The following FGF2 variants were observed in gnomAD, a reference collection of about 807,000 sequenced individuals.
FGF2 encodes the protein basic fibroblast growth factor bFGF.
FGF2 carries 13 observed loss-of-function variants against 15.9 expected under a neutral mutation model. The ratio of observed to expected loss-of-function variants is 0.82; its 90% CI spans 0.53 to 1.30. FGF2 has a LOEUF of 1.30. Ranked by LOEUF, FGF2 falls within the 50% of genes most tolerant of loss-of-function variation. The probability of loss-of-function intolerance (pLI) is 0.00; values close to 1 mark genes in which losing one functional copy is unlikely to be tolerated. For missense variants in FGF2, 163 were observed against 196.9 expected, an observed-to-expected ratio of 0.83 and a Z score of 1.03; for synonymous variants, 90 against 78.4, an observed-to-expected ratio of 1.15 and a Z score of -0.78.
intron 2 of FGF2, among the ~76,000 whole-genome samples, chr4:122,887,333 C>T (rs1358143905): frequency 6.6e-6 from 1 of 152,020 alleles, no homozygotes; most frequent in Non-Finnish European, 1.5e-5. Context: ...CAAAACAAAA[C>T]AAAAACATCT....
chr4:122,874,365 T>C lies in FGF2; in HGVS notation c.179-1956T>C, dbSNP rs1726797312. Among the ~76,000 whole-genome samples the C allele has an allele frequency of 2.0e-5, 3 of 152,360 alleles. No homozygotes were observed. In the South Asian group the frequency reaches 6.2e-4, roughly 32 times the overall value. On this transcript the variant is annotated intron_variant, in intron 1 of 2. Transcript: ENST00000644866. ...TTCATTACATTCCTTTTACTTCGTA[T>C]TATCTTTTAAGATTTTGTAGAAGAA... is the stretch of plus-strand genomic sequence containing the variant.
At chr4:122,851,957 G>C (rs1726240435) in intron 1 of FGF2, among the ~76,000 whole-genome samples, 1 of 152,196 alleles carries the variant, frequency 6.6e-6, no homozygotes, top group Non-Finnish European at 1.5e-5. Context: ...TGTTGGTATT[G>C]TTGTGATGAT....
chr4:122,834,114 A>G (rs1182905043), intron 1 of FGF2, among the ~76,000 whole-genome samples: 1 of 152,198 alleles, frequency 6.6e-6, no homozygotes, highest in Admixed American at 6.5e-5. Context: ...AACACAGCAA[A>G]GCAATAGGGG....
intron 2 of FGF2, 100 bp downstream of exon 2, chr4:122,876,524 G>T: frequency 1.3e-6 from 1 of 787,980 alleles, no homozygotes. Flanking sequence ...GATTTTACGT[G>T]TATCATCGTC....
chr4:122,828,565 G>T (rs1036349503), intron 1 of FGF2, among the ~76,000 whole-genome samples: 1 of 152,154 alleles, frequency 6.6e-6, no homozygotes, highest in African/African-American at 2.4e-5. Context: ...ATGCTAATGG[G>T]ATGTCATGAG....
chr4:122,872,715 A>G (rs1486738285), intron 1 of FGF2, among the ~76,000 whole-genome samples: 2 of 152,214 alleles, frequency 1.3e-5, no homozygotes, highest in Non-Finnish European at 2.9e-5. Context: ...ATTGGGGGCC[A>G]ATATTCAACA....
chr4:122,837,483 C>T (rs959927621), intron 1 of FGF2, among the ~76,000 whole-genome samples: 4 of 152,154 alleles, frequency 2.6e-5, no homozygotes, highest in Admixed American at 2.0e-4. Flanking sequence ...CTACTGCCTG[C>T]TATATATCTT....
chr4:122,885,234 T>C (rs1727033397), intron 2 of FGF2, among the ~76,000 whole-genome samples: 1 of 152,256 alleles, frequency 6.6e-6, no homozygotes, highest in South Asian at 2.1e-4. Context: ...ATTTTTATTG[T>C]AAGCTATCTG....
intron 1 of FGF2, among the ~76,000 whole-genome samples, chr4:122,859,624 G>T (rs958616110): frequency 7.0e-6 from 1 of 142,234 alleles, no homozygotes; most frequent in Admixed American, 7.3e-5. Context: ...TATACTAAAA[G>T]TTTATATATG....
At chr4:122,850,461 C>T (rs796147744) in intron 1 of FGF2, among the ~76,000 whole-genome samples, 17 of 152,160 alleles carry the variant, frequency 1.1e-4, no homozygotes, top group African/African-American at 4.1e-4. Flanking sequence ...CCAGAAATAA[C>T]ATTGAGCGAT....
At chr4:122,858,505 C>T (rs1236125996) in intron 1 of FGF2, among the ~76,000 whole-genome samples, 3 of 152,040 alleles carry the variant, frequency 2.0e-5, no homozygotes, top group Non-Finnish European at 4.4e-5. Context: ...TCAAGTGATT[C>T]TCCTGCCTCA....
chr4:122,891,260 T>TA (rs1361488589), intron 2 of FGF2, among the ~76,000 whole-genome samples: 1 of 151,832 alleles, frequency 6.6e-6, no homozygotes, highest in Non-Finnish European at 1.5e-5. Context: ...CAAGATGGTC[T>TA]CGATCTCCTG....
intron 2 of FGF2, chr4:122,888,795 C>G (rs977211299): frequency 2.0e-5 from 3 of 151,980 alleles, no homozygotes; most frequent in African/African-American, 7.3e-5. Context: ...TCCCTCTTAC[C>G]CTGTTCAGGT....
At chr4:122,865,614 C>A (rs1171875426) in intron 1 of FGF2, among the ~76,000 whole-genome samples, 1 of 152,092 alleles carries the variant, frequency 6.6e-6, no homozygotes, top group Non-Finnish European at 1.5e-5. Context: ...AAATGCATTG[C>A]CTAATTTCCA....
At chr4:122,873,765 C>G (rs1017626146) in intron 1 of FGF2, among the ~76,000 whole-genome samples, 1 of 152,168 alleles carries the variant, frequency 6.6e-6, no homozygotes, top group African/African-American at 2.4e-5. Context: ...GATTTTGTGA[C>G]TTCCTCAACT....
chr4:122,858,436 C>T (rs2150774781), intron 1 of FGF2, among the ~76,000 whole-genome samples: 1 of 151,834 alleles, frequency 6.6e-6, no homozygotes. Context: ...CTCGATCTGT[C>T]ACCCAGGCTG....
In FGF2 at chr4:122,892,275, G is replaced by A. The variant is rs762535977; in HGVS notation, c.347G>A (p.Arg116Gln). 37 of 1,613,404 alleles carry A rather than the reference G, an allele frequency of 2.3e-5. No individual in the cohort carries two copies. The highest frequency in any genetic ancestry group is 1.3e-4 in the East Asian group (6 of 44,876). ...GAATCTAATAACTACAATACTTACC[G>A]GTCAAGGAAATACACCAGTTGGTAT... is the stretch of plus-strand genomic sequence containing the variant. ...RLESNNYNTY[R>Q]SRKYTSWYVA... The change falls in exon 3 of 3, where the codon CGG (arginine) becomes CAG (glutamine). Residue 116 changes from arginine to glutamine, a missense_variant. Arg to Gln is a conservative substitution (Grantham distance 43). Transcript: ENST00000644866.
intron 2 of FGF2, chr4:122,881,743 T>G (rs908102554): frequency 6.4e-6 from 1 of 157,012 alleles, no homozygotes; most frequent in African/African-American, 2.4e-5. Context: ...TTCCAACCTT[T>G]GCCTGTTAAC....
chr4:122,846,661 T>C (rs1360988175), intron 1 of FGF2, among the ~76,000 whole-genome samples: 1 of 152,204 alleles, frequency 6.6e-6, no homozygotes, highest in Admixed American at 6.5e-5. Flanking sequence ...GAGAAAGGAA[T>C]GGGATTAAAA....
Sources: allele counts gnomAD v4.1 joint callset (sites outside exome capture counted in the v4.1 genomes callset), GRCh38; gene constraint gnomAD v4.1.1; transcripts MANE v1.5; gene names NCBI Gene and HGNC (gene_info 2026-07-23, HGNC 2026-07-21).